RP1: variants seen among roughly 807,000 people sequenced by gnomAD.
RP1 encodes the protein oxygen-regulated protein 1.
A neutral mutation model predicts 14.8 loss-of-function variants in RP1; 16 were observed. The observed-to-expected ratio is 1.08, with a 90% CI of 0.73 to 1.65. The LOEUF (loss-of-function observed/expected upper bound fraction) is 1.65, where lower values mean the gene tolerates loss of function less well. Among genes scored for constraint, RP1 ranks in the 40% most tolerant of loss-of-function variants. The pLI, the probability that RP1 is intolerant of heterozygous loss-of-function variation, is 0.00. For synonymous variants in RP1, 876 were observed against 883.6 expected, an observed-to-expected ratio of 0.99 and a Z score of 0.15; for missense variants, 2,631 against 2,535.0, an observed-to-expected ratio of 1.04 and a Z score of -0.81.
chr8:54,738,008 C>T (rs968193723), intron 18 of RP1, among the ~76,000 whole-genome samples: 1 of 152,128 alleles, frequency 6.6e-6, no homozygotes, highest in African/African-American at 2.4e-5. Context: ...CCTCACAGTT[C>T]AGTGTCCTGG....
At chr8:54,753,101 T>G (rs181670631) in intron 19 of RP1, among the ~76,000 whole-genome samples, 1 of 152,334 alleles carries the variant, frequency 6.6e-6, no homozygotes, top group East Asian at 1.9e-4. Context: ...GGTTACATGA[T>G]TTCTCATGGT....
chr8:54,586,560 C>G (rs561980258), intron 1 of RP1, among the ~76,000 whole-genome samples: 18 of 152,352 alleles, frequency 1.2e-4, no homozygotes, highest in East Asian at 3.9e-4. Flanking sequence ...ATAGGTTTCT[C>G]CTGCCTTTTG....
chr8:54,723,464 G>A (rs530611133), intron 16 of RP1, among the ~76,000 whole-genome samples: 1 of 152,082 alleles, frequency 6.6e-6, no homozygotes, highest in Non-Finnish European at 1.5e-5. Flanking sequence ...TATAATACAA[G>A]TCATTTATCC....
chr8:54,563,613 A>G (rs1204472102), intron 1 of RP1, among the ~76,000 whole-genome samples: 2 of 152,054 alleles, frequency 1.3e-5, no homozygotes, highest in Non-Finnish European at 2.9e-5. Flanking sequence ...TGGCGAGATC[A>G]TAGCTCACTA....
intron 24 of RP1, among the ~76,000 whole-genome samples, chr8:54,819,133 C>T (rs1034926515): frequency 2.0e-5 from 3 of 151,864 alleles, no homozygotes; most frequent in African/African-American, 7.3e-5. Context: ...TTTTCTGGAT[C>T]CTGTAGGCAT....
Position 54,828,882 on chromosome 8 carries a change from C to CTTTTTTTTTTTTT in RP1, c.3616-8553_3616-8541dup, listed in dbSNP as rs201534661. ...TTCTTTCTTCTTTCTTCTTCTTCTT[C>CTTTTTTTTTTTTT]TTTTTTTTTTTTTTTTTTTTTTTTT... On this transcript the variant is annotated intron_variant, in intron 24 of 28. Transcript: ENST00000637698. Among the ~76,000 whole-genome samples, 27 of 83,938 alleles carry CTTTTTTTTTTTTT rather than the reference C, an allele frequency of 3.2e-4. 1 individual carries two copies. The highest frequency in any genetic ancestry group is 4.4e-4 in the Non-Finnish European group (20 of 45,664). 55.1% of individuals were successfully genotyped at this position (83,938 alleles called of 152,430 possible).
At chr8:54,776,886 C>T (rs1045318243) in intron 23 of RP1, among the ~76,000 whole-genome samples, 16 of 152,204 alleles carry the variant, frequency 1.1e-4, no homozygotes, top group African/African-American at 3.9e-4. Flanking sequence ...TGGTAAACTG[C>T]ACTAAAGTAT....
chr8:54,769,178 G>A (rs1238281889), intron 22 of RP1, among the ~76,000 whole-genome samples: 2 of 152,260 alleles, frequency 1.3e-5, no homozygotes, highest in South Asian at 2.1e-4. Context: ...ACAGGCATGA[G>A]CCACCACGCC....
chr8:54,719,696 T>C (rs1323613008), intron 15 of RP1, among the ~76,000 whole-genome samples: 3 of 152,188 alleles, frequency 2.0e-5, no homozygotes, highest in African/African-American at 7.2e-5. Flanking sequence ...ATCTGGAAAA[T>C]GCAGAATAGC....
intron 1 of RP1, among the ~76,000 whole-genome samples, chr8:54,592,763 G>A (rs1245257920): frequency 3.9e-5 from 6 of 152,082 alleles, no homozygotes; most frequent in Middle Eastern, 3.2e-3. Context: ...TGTCCTTAGT[G>A]TATTAACTTG....
At chr8:54,687,374 G>A (rs976490485) in intron 12 of RP1, among the ~76,000 whole-genome samples, 42 of 152,002 alleles carry the variant, frequency 2.8e-4, no homozygotes, top group Non-Finnish European at 8.8e-5. Context: ...GGTTTGTTAC[G>A]TAGGTATACA....
At chr8:54,821,376 A>C (rs1811253181) in intron 24 of RP1, among the ~76,000 whole-genome samples, 1 of 152,198 alleles carries the variant, frequency 6.6e-6, no homozygotes, top group South Asian at 2.1e-4. Context: ...TCCAAAAAAA[A>C]CAGATGCTTG....
chr8:54,620,898 T>C, intron 1 of RP1, 57 bp from the exon 2 acceptor site: 2 of 1,469,464 alleles, frequency 1.4e-6, no homozygotes, highest in South Asian at 2.3e-5. Flanking sequence ...TGCATTAGTA[T>C]TACCATGTAT....
chr8:54,808,399 T>C (rs1315956938), intron 24 of RP1, among the ~76,000 whole-genome samples: 1 of 152,198 alleles, frequency 6.6e-6, no homozygotes, highest in African/African-American at 2.4e-5. Flanking sequence ...AGTGTGGAAG[T>C]GGACATCTTT....
intron 24 of RP1, among the ~76,000 whole-genome samples, chr8:54,822,177 T>A (rs1811271908): frequency 6.6e-6 from 1 of 152,244 alleles, no homozygotes; most frequent in Non-Finnish European, 1.5e-5. Context: ...TTTATTAGTT[T>A]TAACAAATAA....
intron 12 of RP1, among the ~76,000 whole-genome samples, chr8:54,683,233 A>T (rs140341387): frequency 0.029 from 4,372 of 152,254 alleles, 184 homozygotes; most frequent in African/African-American, 0.099. Context: ...GTAAGGTAGC[A>T]TGATGACTCC....
At chr8:54,610,480 C>A (rs1290377311) in intron 1 of RP1, among the ~76,000 whole-genome samples, 2 of 152,158 alleles carry the variant, frequency 1.3e-5, no homozygotes, top group Non-Finnish European at 2.9e-5. Flanking sequence ...TAGCTTGAAC[C>A]TTTAGTATAA....
intron 12 of RP1, among the ~76,000 whole-genome samples, chr8:54,685,642 G>A (rs394020): frequency 0.26 from 39,113 of 151,992 alleles, 5,361 homozygotes; most frequent in East Asian, 0.42. Flanking sequence ...ACAAATTCAT[G>A]AACTTTCTTA....
intron 12 of RP1, among the ~76,000 whole-genome samples, chr8:54,680,384 T>C (rs1423514187): frequency 6.6e-6 from 1 of 152,194 alleles, no homozygotes; most frequent in Non-Finnish European, 1.5e-5. Flanking sequence ...CTGCATGTCA[T>C]GAAGCTGTAA....
Sources: gnomAD v4.1 joint callset for allele counts (sites outside exome capture counted in the v4.1 genomes callset) on GRCh38, gnomAD v4.1.1 for gene constraint, MANE v1.5 for transcripts, NCBI Gene and HGNC (gene_info 2026-07-23, HGNC 2026-07-21) for gene names.